TESPA1: variants seen among roughly 807,000 people sequenced by gnomAD.
The protein encoded by TESPA1 is thymocyte expressed, positive selection associated 1.
TESPA1 carries 33 observed loss-of-function variants against 57.9 expected under a neutral mutation model. That is an observed-to-expected ratio of 0.57 (90% CI 0.43 to 0.76). The LOEUF (loss-of-function observed/expected upper bound fraction) is 0.76. Ranked by LOEUF, TESPA1 falls within the 30% of genes least tolerant of loss-of-function variation. The probability of loss-of-function intolerance (pLI) is 0.00; values close to 1 mark genes in which losing one functional copy is unlikely to be tolerated. For synonymous variants in TESPA1, 227 were observed against 228.9 expected (o/e 0.99, Z 0.07); for missense variants, 618 against 632.9 (o/e 0.98, Z 0.25).
chr12:54,973,931 C>T (rs3759165), intron 2 of TESPA1: 252,194 of 1,029,324 alleles, frequency 0.25, 39,455 homozygotes, highest in East Asian at 0.92. Flanking sequence ...GTGGTCTCAT[C>T]TGAACCTCAA....
intron 3 of TESPA1, 170 bp from the exon 4 acceptor site, chr12:54,968,062 T>A (rs1361872585): frequency 6.7e-7 from 1 of 1,502,698 alleles, no homozygotes; most frequent in South Asian, 1.2e-5. Flanking sequence ...GTCTGAAAAA[T>A]TCATAGAAGT....
At chr12:54,952,620 C>T (rs1950469696) in intron 10 of TESPA1, among the ~76,000 whole-genome samples, 1 of 152,142 alleles carries the variant, frequency 6.6e-6, no homozygotes, top group African/African-American at 2.4e-5. Context: ...GGATATTAAC[C>T]AGTTTTGTAT....
At chr12:54,972,418 G>A (rs147494930) in intron 3 of TESPA1, among the ~76,000 whole-genome samples, 8 of 152,242 alleles carry the variant, frequency 5.3e-5, no homozygotes, top group Admixed American at 5.2e-4. Flanking sequence ...ATGAGATAAG[G>A]ACATTAACTG....
chr12:54,968,258 A>G lies in TESPA1; in HGVS notation c.207-366T>C, dbSNP rs542413367. Among the ~76,000 whole-genome samples, 13 of 152,306 alleles carry G rather than the reference A, an allele frequency of 8.5e-5. No individual in the cohort carries two copies. The East Asian group carries it at 1.9e-3, about 23-fold the overall frequency. ...ATAGAAGCAGGCGTTTGCATGCCAT[A>G]ATTTCCAAATCACAAATATAAATTT... On this transcript the variant is annotated intron_variant, in intron 3 of 10. Transcript: ENST00000449076.
Position 54,963,041 on chromosome 12 carries a change from G to T in TESPA1, c.857C>A (p.Ala286Asp). Residue 286 changes from alanine to aspartate, a missense_variant, in exon 9 of 11, where the codon GCC (alanine) becomes GAC (aspartate). Physicochemically the swap from Ala to Asp is moderately radical, Grantham distance 126. Transcript: ENST00000449076. ...TGTGTACAGACACATCTTGGAGATGGCTTTCCGAAGGCGGTCTCTGGGTGA... is the reference window on the plus strand; with the variant it reads ...TGTGTACAGACACATCTTGGAGATGTCTTTCCGAAGGCGGTCTCTGGGTGA... ...PQSPRDRLRK[A>D]ISKMCLYTCP... 6.2e-7 allele frequency: 1 copy of T among 1,613,960 alleles called. No individual in the cohort carries two copies. Among genetic ancestry groups the T allele is most frequent in the Non-Finnish European group, 8.5e-7 (1 of 1,179,894 alleles).
chr12:54,981,207 A>G (rs1009474040), intron 1 of TESPA1, among the ~76,000 whole-genome samples: 1 of 152,212 alleles, frequency 6.6e-6, no homozygotes, highest in African/African-American at 2.4e-5. Context: ...AGTGATAGAT[A>G]TGATTATGAT....
rs765530420 is a variant in TESPA1, at chr12:54,953,901, G to A, written c.*2-3511C>T. ...GAAAGGTTAATTTCTGGTCCCTATG[G>A]CATTTAATGAAAATTATTAATAATT... On this transcript the variant is annotated intron_variant, in intron 10 of 10. Coordinates refer to ENST00000449076, the MANE Select transcript of TESPA1 (RefSeq NM_001136030.3). 2.2e-4 allele frequency among the ~76,000 whole-genome samples: 34 copies of A among 152,216 alleles called. No individual in the cohort carries two copies. In the Middle Eastern group the frequency reaches 0.01, roughly 46 times the overall value.
intron 10 of TESPA1, among the ~76,000 whole-genome samples, chr12:54,956,671 G>T (rs912716613): frequency 6.6e-6 from 1 of 152,148 alleles, no homozygotes; most frequent in Non-Finnish European, 1.5e-5. Flanking sequence ...AATAGAAAAG[G>T]TGCCTGTTTG....
At chr12:54,965,284 C>T (rs967023915) in intron 7 of TESPA1, among the ~76,000 whole-genome samples, 3 of 152,142 alleles carry the variant, frequency 2.0e-5, no homozygotes, top group Non-Finnish European at 2.9e-5. Context: ...CACCTATCAA[C>T]CCATCACCTA....
At chr12:54,978,008 G>GTTTTT (rs112372429) in intron 1 of TESPA1, among the ~76,000 whole-genome samples, 1 of 147,494 alleles carries the variant, frequency 6.8e-6, no homozygotes, top group Non-Finnish European at 1.5e-5. Context: ...ACAAGAAACC[G>GTTTTT]TTTTTTTTTT....
At chr12:54,981,343 G>A (rs976581774) in intron 1 of TESPA1, among the ~76,000 whole-genome samples, 18 of 147,440 alleles carry the variant, frequency 1.2e-4, no homozygotes, top group Non-Finnish European at 2.4e-4. Context: ...TCAAGATGGT[G>A]AAAAAGATTT....
In TESPA1 at chr12:54,967,095, C is replaced by T. The variant is rs1266950867; in HGVS notation, c.310+88G>A. 15 of 1,466,302 alleles carry T rather than the reference C, an allele frequency of 1.0e-5. No individual in the cohort carries two copies. In the Admixed American group the frequency reaches 2.6e-4, roughly 26 times the overall value. 90.8% of individuals were successfully genotyped at this position (1,466,302 alleles called of 1,614,324 possible). ...GACCCCAGGGATGGGCTGTTTCTTTCTGAAGTTTTGCACTTCCATCCTATC... is the reference window on the plus strand; with the variant it reads ...GACCCCAGGGATGGGCTGTTTCTTTTTGAAGTTTTGCACTTCCATCCTATC... On this transcript the variant is annotated intron_variant, in intron 5 of 10. Transcript: ENST00000449076.
chr12:54,972,058 C>T (rs78565966), intron 3 of TESPA1, among the ~76,000 whole-genome samples: 4,956 of 152,192 alleles, frequency 0.033, 268 homozygotes, highest in African/African-American at 0.11. Context: ...ATAGCTCAGG[C>T]GTCTACAGTG....
intron 10 of TESPA1, among the ~76,000 whole-genome samples, chr12:54,958,502 G>A (rs543961424): frequency 7.2e-5 from 10 of 138,504 alleles, no homozygotes; most frequent in Non-Finnish European, 1.5e-4. Flanking sequence ...TTTTTTGTGC[G>A]TGTGTTTATT....
At chr12:54,951,879 C>T (rs1040860095) in intron 10 of TESPA1, among the ~76,000 whole-genome samples, 5 of 147,498 alleles carry the variant, frequency 3.4e-5, no homozygotes, top group Non-Finnish European at 1.5e-5. Flanking sequence ...GATTCTGATT[C>T]TGCATACTTT....
In TESPA1 at chr12:54,949,362, C is replaced by A. The variant is rs1950248172; in HGVS notation, c.*1030G>T. 7.2e-6 allele frequency: 1 copy of A among 138,350 alleles called. No homozygotes were observed. The highest frequency in any genetic ancestry group is 1.5e-5 in the Non-Finnish European group (1 of 65,108). 8.6% of individuals were successfully genotyped at this position (138,350 alleles called of 1,614,324 possible). On this transcript the variant is annotated 3_prime_UTR_variant, in exon 11 of 11. Coordinates refer to ENST00000449076, the MANE Select transcript of TESPA1 (RefSeq NM_001136030.3). ...GGTTATGATTTCCCTCAAATTCCCT[C>A]AAGTCCCTCTCTTCCTGTTTTTTTT...
rs1460603747 is a variant in TESPA1, at chr12:54,980,519, G to T, written c.-46+4066C>A. ...AGCAATGAGAGCTGATACCATCACC[G>T]CCCTGTGGTGGGGCCCCGCCCGGTA... On this transcript the variant is annotated intron_variant, in intron 1 of 10. Coordinates refer to ENST00000449076, the MANE Select transcript of TESPA1 (RefSeq NM_001136030.3). Among the ~76,000 whole-genome samples the T allele has an allele frequency of 2.6e-5, 4 of 152,232 alleles. No individual in the cohort carries two copies. In the South Asian group the frequency reaches 6.2e-4, roughly 24 times the overall value.
intron 9 of TESPA1, among the ~76,000 whole-genome samples, chr12:54,961,650 G>A (rs1386308022): frequency 6.6e-6 from 1 of 152,198 alleles, no homozygotes; most frequent in Non-Finnish European, 1.5e-5. Flanking sequence ...TAGAGAATGT[G>A]CCCACCTAGT....
intron 10 of TESPA1, 98 bp from the exon 11 acceptor site, chr12:54,950,488 T>A (rs973979689): frequency 1.1e-5 from 4 of 367,118 alleles, no homozygotes; most frequent in African/African-American, 4.3e-5. Context: ...GTGGAAATGT[T>A]TCTCAGTATT....
Sources: allele counts gnomAD v4.1 joint callset (sites outside exome capture counted in the v4.1 genomes callset), GRCh38; gene constraint gnomAD v4.1.1; transcripts MANE v1.5; gene names NCBI Gene and HGNC (gene_info 2026-07-23, HGNC 2026-07-21).